DNAH11: variants seen among roughly 807,000 people sequenced by gnomAD.
DNAH11 encodes dynein axonemal heavy chain 11.
Under a neutral mutation model 526.0 loss-of-function variants are expected in DNAH11, and 442 were observed. That is an observed-to-expected ratio of 0.84 (90% CI 0.78 to 0.91). The LOEUF (loss-of-function observed/expected upper bound fraction) is 0.91, where lower values mean the gene tolerates loss of function less well. Among genes scored for constraint, DNAH11 ranks in the 40% least tolerant of loss-of-function variants. DNAH11 has a pLI of 0.00. For synonymous variants in DNAH11, 2,461 were observed against 1,935.9 expected (o/e 1.27, Z -7.12); for missense variants, 6,989 against 5,448.7 (o/e 1.28, Z -8.90).
chr7:21,750,648 A>G (rs1024255821), intron 54 of DNAH11, among the ~76,000 whole-genome samples: 3 of 152,192 alleles, frequency 2.0e-5, no homozygotes, highest in Admixed American at 2.0e-4. Context: ...GACATCACAA[A>G]TAATTATCAT....
rs72657374 is a variant in DNAH11, at chr7:21,765,597, G to T, written c.9102+8G>T. On this transcript the variant is annotated splice_region_variant and intron_variant, in intron 55 of 81. Transcript: ENST00000409508. ...GAAACCAAGGGAATTGAGGTATGCC[G>T]TGTCAGCCTGCGTCACACACACACA... The T allele has an allele frequency of 3.2e-6, 5 of 1,548,984 alleles. No homozygotes were observed. In the Admixed American group the frequency reaches 7.4e-5, roughly 23 times the overall value.
chr7:21,802,956 TATATA>T (rs1298160871), intron 62 of DNAH11, among the ~76,000 whole-genome samples: 1 of 149,726 alleles, frequency 6.7e-6, no homozygotes. Context: ...ATAATATATA[TATATA>T]ATGTAGTAAA....
chr7:21,701,712 A>T (rs1784069129), intron 36 of DNAH11, among the ~76,000 whole-genome samples: 1 of 152,218 alleles, frequency 6.6e-6, no homozygotes. Context: ...AGTAAATGGG[A>T]TATTTGTAAT....
chr7:21,580,451 C>T (rs150115120), intron 8 of DNAH11, among the ~76,000 whole-genome samples: 16 of 152,266 alleles, frequency 1.1e-4, no homozygotes, highest in African/African-American at 3.9e-4. Context: ...TGTTACACTG[C>T]TTTTCAGCTT....
rs755804313 is a variant in DNAH11, at chr7:21,711,829, T to C, written c.6952T>C (p.Tyr2318His). 1 of 1,613,698 alleles carries C rather than the reference T, an allele frequency of 6.2e-7. No individual in the cohort carries two copies. The highest frequency in any genetic ancestry group is 1.7e-5 in the Admixed American group (1 of 59,948). Residue 2318 changes from tyrosine (Y) to histidine (H), a missense_variant, in exon 42 of 82, where the codon TAT becomes CAT. Coordinates refer to ENST00000409508, the MANE Select transcript of DNAH11 (RefSeq NM_001277115.2). The stretch of plus-strand genomic sequence containing the variant: ...CACTGTTTCCAGAGCTGGTATTCTG[T>C]ATGTGAACCCACAAGATCTGGGCTG... ...PATVSRAGIL[Y>H]VNPQDLGWNP... is the part of the protein sequence containing the mutation.
intron 60 of DNAH11, among the ~76,000 whole-genome samples, chr7:21,788,619 T>C (rs1788295921): frequency 6.6e-6 from 1 of 152,158 alleles, no homozygotes; most frequent in Non-Finnish European, 1.5e-5. Context: ...TCTCAGATGG[T>C]CCATTCAAAC....
intron 55 of DNAH11, among the ~76,000 whole-genome samples, chr7:21,766,692 T>G (rs377285898): frequency 2.2e-4 from 33 of 148,084 alleles, no homozygotes; most frequent in Admixed American, 1.3e-3. Flanking sequence ...GTTCATAATA[T>G]CATTTTCCTT....
At chr7:21,555,284 A>G (rs1783172321) in intron 2 of DNAH11, among the ~76,000 whole-genome samples, 1 of 152,232 alleles carries the variant, frequency 6.6e-6, no homozygotes, top group African/African-American at 2.4e-5. Context: ...ACGCTTTATC[A>G]TCTTTTGCCT....
chr7:21,636,504 G>A (rs1012250663), intron 26 of DNAH11, among the ~76,000 whole-genome samples: 3 of 152,106 alleles, frequency 2.0e-5, no homozygotes, highest in African/African-American at 7.2e-5. Flanking sequence ...GGAGTCCAAG[G>A]TAGGAGGATG....
In DNAH11 at chr7:21,837,714, A is replaced by G. The variant is rs184373035; in HGVS notation, c.10692-4830A>G. Among the ~76,000 whole-genome samples the G allele has an allele frequency of 9.9e-5, 15 of 152,282 alleles. No individual in the cohort carries two copies. The East Asian group carries it at 2.9e-3, about 29-fold the overall frequency. ...TACTATATTACCATTTGACCACTTGAAGTATGCAATTCAGTGGTTTTTAGT... is the reference window on the plus strand; with the variant it reads ...TACTATATTACCATTTGACCACTTGGAGTATGCAATTCAGTGGTTTTTAGT... On this transcript the variant is annotated intron_variant, in intron 65 of 81. Transcript: ENST00000409508.
chr7:21,776,806 A>G (rs987350510), intron 56 of DNAH11, among the ~76,000 whole-genome samples: 4 of 152,218 alleles, frequency 2.6e-5, no homozygotes, highest in African/African-American at 7.2e-5. Flanking sequence ...AAAGCATAGT[A>G]CAGACAGGTC....
At chr7:21,736,470 C>A (rs1481182813) in intron 46 of DNAH11, among the ~76,000 whole-genome samples, 1 of 152,232 alleles carries the variant, frequency 6.6e-6, no homozygotes, top group East Asian at 1.9e-4. Flanking sequence ...TGGGGGGCAA[C>A]CAGACTCTCT....
intron 35 of DNAH11, among the ~76,000 whole-genome samples, chr7:21,695,412 C>A (rs867476630): frequency 1.3e-5 from 2 of 152,166 alleles, no homozygotes; most frequent in South Asian, 2.1e-4. Context: ...ACCAATGGAA[C>A]AGAACGGAGG....
At chr7:21,856,645 G>A (rs1467334528) in intron 68 of DNAH11, among the ~76,000 whole-genome samples, 5 of 152,220 alleles carry the variant, frequency 3.3e-5, no homozygotes, top group South Asian at 4.1e-4. Context: ...TGACCAAGTG[G>A]AATGTATGCC....
intron 20 of DNAH11, among the ~76,000 whole-genome samples, chr7:21,610,149 G>C (rs1294970629): frequency 6.6e-6 from 1 of 152,152 alleles, no homozygotes; most frequent in South Asian, 2.1e-4. Flanking sequence ...AGCTACTCGG[G>C]AGGCTGAGGC....
chr7:21,708,047 G>A (rs775081920), intron 40 of DNAH11, among the ~76,000 whole-genome samples: 2 of 152,186 alleles, frequency 1.3e-5, no homozygotes, highest in Non-Finnish European at 2.9e-5. Context: ...TGTACTCAGA[G>A]CTGTTGTATT....
intron 73 of DNAH11, 100 bp downstream of exon 73, chr7:21,869,091 C>T (rs1368106957): frequency 5.2e-6 from 8 of 1,525,520 alleles, no homozygotes; most frequent in Non-Finnish European, 7.1e-6. Flanking sequence ...CACCGCTGTG[C>T]ATGGCGATTT....
intron 44 of DNAH11, among the ~76,000 whole-genome samples, chr7:21,722,028 A>G (rs1191597811): frequency 6.6e-6 from 1 of 152,158 alleles, no homozygotes; most frequent in East Asian, 1.9e-4. Context: ...ACTTGAGACA[A>G]ACATTTGCAC....
At chr7:21,840,715 C>A (rs189492845) in intron 65 of DNAH11, among the ~76,000 whole-genome samples, 4 of 151,842 alleles carry the variant, frequency 2.6e-5, no homozygotes, top group Admixed American at 1.3e-4. Context: ...TACTACGTAC[C>A]CTTAAATTAA....
Sources: gnomAD v4.1 joint callset for allele counts (sites outside exome capture counted in the v4.1 genomes callset) on GRCh38, gnomAD v4.1.1 for gene constraint, MANE v1.5 for transcripts, NCBI Gene and HGNC (gene_info 2026-07-23, HGNC 2026-07-21) for gene names.